Variants in LRRN3 observed in about 807,000 individuals in gnomAD.
The protein encoded by LRRN3 is leucine rich repeat neuronal 3.
A neutral mutation model predicts 40.1 loss-of-function variants in LRRN3; 15 were observed. That is an observed-to-expected ratio of 0.37 (90% CI 0.25 to 0.58). The LOEUF is 0.58. LRRN3 is among the 20% of genes least tolerant of loss of function. LRRN3 has a pLI of 0.72. For synonymous variants in LRRN3, 308 were observed against 297.2 expected, an observed-to-expected ratio of 1.04 and a Z score of -0.37; for missense variants, 746 against 837.7, an observed-to-expected ratio of 0.89 and a Z score of 1.35.
At chr7:111,106,399 G>C (rs977856827) in intron 2 of LRRN3, among the ~76,000 whole-genome samples, 1 of 151,818 alleles carries the variant, frequency 6.6e-6, no homozygotes, top group Non-Finnish European at 1.5e-5. Flanking sequence ...TGAAATAATA[G>C]AAATCTCTTC....
chr7:111,120,807 C>G (rs1226972803), intron 2 of LRRN3, among the ~76,000 whole-genome samples: 2 of 152,080 alleles, frequency 1.3e-5, no homozygotes, highest in African/African-American at 4.8e-5. Context: ...ATCTAGCTTA[C>G]TTAACATTTT....
At chr7:111,114,363 C>T (rs1163661403) in intron 2 of LRRN3, among the ~76,000 whole-genome samples, 1 of 152,076 alleles carries the variant, frequency 6.6e-6, no homozygotes, top group African/African-American at 2.4e-5. Flanking sequence ...CGTGAATAAG[C>T]ATGAAAAACT....
In LRRN3 at chr7:111,122,595, T is replaced by G; in HGVS notation, c.-178T>G. On this transcript the variant is annotated 5_prime_UTR_variant, in exon 3 of 3. Coordinates refer to ENST00000308478, the MANE Select transcript of LRRN3 (RefSeq NM_001099658.2). ...TCTTCTCCAATATGCATGACATTTTTGGACAATGCAATTGTGGCACTGGCA... is the reference window on the plus strand; with the variant it reads ...TCTTCTCCAATATGCATGACATTTTGGGACAATGCAATTGTGGCACTGGCA... The G allele has an allele frequency of 1.7e-6, 1 of 586,998 alleles. No individual in the cohort carries two copies. Among genetic ancestry groups the G allele is most frequent in the Non-Finnish European group, 3.0e-6 (1 of 329,232 alleles). The allele number at this position is 586,998 out of a possible 1,614,324, so 36.4% of individuals were successfully genotyped here.
chr7:111,120,019 A>C (rs1382450868), intron 2 of LRRN3, among the ~76,000 whole-genome samples: 4 of 152,204 alleles, frequency 2.6e-5, no homozygotes, highest in Non-Finnish European at 5.9e-5. Flanking sequence ...TATTCCAGGC[A>C]GAGTGATGCA....
intron 1 of LRRN3, among the ~76,000 whole-genome samples, chr7:111,098,955 C>CTAGAATA (rs1313257173): frequency 6.6e-6 from 1 of 151,746 alleles, no homozygotes; most frequent in Non-Finnish European, 1.5e-5. Context: ...TCTGCTCATA[C>CTAGAATA]TAGAATATTA....
At chr7:111,117,141 G>C (rs980925170) in intron 2 of LRRN3, among the ~76,000 whole-genome samples, 2 of 152,084 alleles carry the variant, frequency 1.3e-5, no homozygotes, top group African/African-American at 4.8e-5. Context: ...TCCTAAATTT[G>C]TTAATGGCAT....
At chr7:111,121,607 T>C (rs927641487) in intron 2 of LRRN3, among the ~76,000 whole-genome samples, 7 of 152,064 alleles carry the variant, frequency 4.6e-5, no homozygotes, top group African/African-American at 1.2e-4. Flanking sequence ...TGTGGAGAAA[T>C]AGGAACACTT....
chr7:111,111,504 A>G (rs1158633801), intron 2 of LRRN3, among the ~76,000 whole-genome samples: 1 of 151,576 alleles, frequency 6.6e-6, no homozygotes, highest in African/African-American at 2.4e-5. Context: ...TTCATTTACT[A>G]TGCCACTCTT....
chr7:111,098,792 T>C (rs1797666307), intron 1 of LRRN3, among the ~76,000 whole-genome samples: 1 of 151,708 alleles, frequency 6.6e-6, no homozygotes, highest in South Asian at 2.1e-4. Flanking sequence ...AAAAGGAACC[T>C]AGGTTAGTTA....
chr7:111,124,083 G>C lies in LRRN3; in HGVS notation c.1311G>C (p.Gly437=). The change falls in exon 3 of 3, where the codon GGG becomes GGC. Residue 437 remains glycine (G), a synonymous_variant. Coordinates refer to ENST00000308478, the MANE Select transcript of LRRN3 (RefSeq NM_001099658.2). ...CTTCTAATCTAAATGTAGAAGCTGG[G>C]AGCTATGTTTCCTTTCACTGTAGAG... The part of the protein sequence containing the change: ...SFPSNLNVEA[G]SYVSFHCRAT... 3.1e-6 allele frequency: 5 copies of C among 1,613,958 alleles called. No individual in the cohort carries two copies. Among genetic ancestry groups the C allele is most frequent in the Non-Finnish European group, 4.2e-6 (5 of 1,179,962 alleles).
In LRRN3 at chr7:111,124,056, T is replaced by C; in HGVS notation, c.1284T>C (p.Phe428=). Residue 428 remains phenylalanine (F), a synonymous_variant, in exon 3 of 3, where the codon TTT becomes TTC. Coordinates refer to ENST00000308478, the MANE Select transcript of LRRN3 (RefSeq NM_001099658.2). ...TCCCTCTTATAGCTCCTGAGAGCTTTCCTTCTAATCTAAATGTAGAAGCTG... is the reference window on the plus strand; with the variant it reads ...TCCCTCTTATAGCTCCTGAGAGCTTCCCTTCTAATCTAAATGTAGAAGCTG... ...ICLPLIAPES[F]PSNLNVEAGS... is the part of the protein sequence containing the mutation. 1.2e-6 allele frequency: 2 copies of C among 1,614,066 alleles called. No individual in the cohort carries two copies. The highest frequency in any genetic ancestry group is 1.7e-6 in the Non-Finnish European group (2 of 1,179,956).
At chr7:111,113,283 A>G (rs1355728195) in intron 2 of LRRN3, among the ~76,000 whole-genome samples, 1 of 152,234 alleles carries the variant, frequency 6.6e-6, no homozygotes, top group Non-Finnish European at 1.5e-5. Flanking sequence ...AAATGAGTTG[A>G]AAACCTTTTT....
At chr7:111,120,213 C>T (rs1289599629) in intron 2 of LRRN3, among the ~76,000 whole-genome samples, 2 of 151,978 alleles carry the variant, frequency 1.3e-5, no homozygotes, top group Non-Finnish European at 2.9e-5. Flanking sequence ...TGCATTAATC[C>T]GTTCTCATGC....
intron 2 of LRRN3, among the ~76,000 whole-genome samples, chr7:111,118,500 T>A (rs1354958493): frequency 6.6e-6 from 1 of 152,064 alleles, no homozygotes; most frequent in Admixed American, 6.6e-5. Context: ...TAGGTTTTAA[T>A]CCCACCCCAC....
intron 2 of LRRN3, among the ~76,000 whole-genome samples, chr7:111,109,612 C>A (rs1264355494): frequency 1.3e-5 from 2 of 152,168 alleles, no homozygotes; most frequent in Non-Finnish European, 2.9e-5. Context: ...ACTGATAATG[C>A]CCCTTCAACT....
At chr7:111,118,190 T>A (rs1270712678) in intron 2 of LRRN3, among the ~76,000 whole-genome samples, 2 of 152,082 alleles carry the variant, frequency 1.3e-5, no homozygotes, top group East Asian at 3.8e-4. Context: ...AACTGAAAAC[T>A]TGGTGAGCAG....
Position 111,123,818 on chromosome 7 carries a change from T to A in LRRN3, c.1046T>A (p.Leu349Gln), listed in dbSNP as rs1458751184. 6.2e-7 allele frequency: 1 copy of A among 1,614,034 alleles called. No individual in the cohort carries two copies. The highest frequency in any genetic ancestry group is 8.5e-7 in the Non-Finnish European group (1 of 1,179,962). The stretch of plus-strand genomic sequence containing the variant: ...CTGAACAGCAATGCTCTCAGTGCCC[T>A]GTACCATGGTACCATTGAGTCTCTG... ...LMLNSNALSA[L>Q]YHGTIESLPN... Residue 349 changes from leucine to glutamine, a missense_variant, in exon 3 of 3, where the codon CTG becomes CAG. Transcript: ENST00000308478. The surrounding 1 kb of genome is among the most constrained non-coding windows in gnomAD (Gnocchi z 6.4).
intron 2 of LRRN3, among the ~76,000 whole-genome samples, chr7:111,119,150 T>C (rs1360501215): frequency 6.6e-6 from 1 of 152,166 alleles, no homozygotes; most frequent in Non-Finnish European, 1.5e-5. Flanking sequence ...AACGAATTAA[T>C]TGACAGAAGT....
chr7:111,123,923 C>A lies in LRRN3; in HGVS notation c.1151C>A (p.Thr384Asn). The A allele has an allele frequency of 6.2e-7, 1 of 1,614,012 alleles. No individual in the cohort carries two copies. Among genetic ancestry groups the A allele is most frequent in the East Asian group, 2.2e-5 (1 of 44,846 alleles). ...ATCCGTTGGATGAACATGAACAAAA[C>A]CAACATTCGATTCATGGAGCCAGAT... ...CVIRWMNMNK[T>N]NIRFMEPDSL... The change falls in exon 3 of 3, where the codon ACC (threonine) becomes AAC (asparagine). Residue 384 changes from threonine to asparagine, a missense_variant. By Grantham distance (65) the Thr-to-Asn change is moderately conservative (BLOSUM62 0). Transcript: ENST00000308478. This position sits in a 1 kb window ranked among gnomAD's most constrained non-coding sequence, Gnocchi z 6.4.
Sources: allele counts gnomAD v4.1 joint callset (sites outside exome capture counted in the v4.1 genomes callset), GRCh38; gene constraint gnomAD v4.1.1; non-coding constraint Gnocchi (gnomAD v3.1); transcripts MANE v1.5; gene names NCBI Gene and HGNC (gene_info 2026-07-23, HGNC 2026-07-21).